The following BCAS3 variants were observed in gnomAD, a reference collection of about 807,000 sequenced individuals.
BCAS3 encodes BCAS4/BCAS3 fusion.
A neutral mutation model predicts 116.1 loss-of-function variants in BCAS3; 53 were observed. That is an observed-to-expected ratio of 0.46 (90% CI 0.37 to 0.57). The LOEUF (loss-of-function observed/expected upper bound fraction) is 0.57, where lower values mean the gene tolerates loss of function less well. Among genes scored for constraint, BCAS3 ranks in the 20% least tolerant of loss-of-function variants. BCAS3 has a pLI of 0.00. For synonymous variants in BCAS3, 391 were observed against 408.2 expected, an observed-to-expected ratio of 0.96 and a Z score of 0.51; for missense variants, 917 against 1,165.4, an observed-to-expected ratio of 0.79 and a Z score of 3.10.
chr17:61,303,780 T>C (rs1314660372), intron 22 of BCAS3, among the ~76,000 whole-genome samples: 1 of 152,196 alleles, frequency 6.6e-6, no homozygotes, highest in African/African-American at 2.4e-5. Flanking sequence ...TCTGCTTACA[T>C]TTCTGACCTC....
chr17:61,181,877 T>TA lies in BCAS3; in HGVS notation c.2425+97313_2425+97314insA, dbSNP rs1300010406. ...CCAAAAGTCTTGCTTTTTCCTTCTT[T>TA]TTTTTTTTAATCTTGAGACACGGTC... On this transcript the variant is annotated intron_variant, in intron 22 of 23. Coordinates refer to ENST00000407086, the MANE Select transcript of BCAS3 (RefSeq NM_017679.5). The surrounding 1 kb of genome is among the most constrained non-coding windows in gnomAD (Gnocchi z 5.0). 6.6e-6 allele frequency among the ~76,000 whole-genome samples: 1 copy of TA among 151,318 alleles called. No individual in the cohort carries two copies. Among genetic ancestry groups the TA allele is most frequent in the East Asian group, 1.9e-4 (1 of 5,132 alleles).
At chr17:60,797,965 T>G (rs562897472) in intron 6 of BCAS3, among the ~76,000 whole-genome samples, 69 of 152,276 alleles carry the variant, frequency 4.5e-4, no homozygotes, top group Non-Finnish European at 9.4e-4. Context: ...TCATTTGAGC[T>G]GGAAGGTGGA....
chr17:60,719,993 A>AT (rs1250602953), intron 5 of BCAS3, among the ~76,000 whole-genome samples: 1 of 152,236 alleles, frequency 6.6e-6, no homozygotes, highest in Admixed American at 6.5e-5. Context: ...GACTTACACT[A>AT]TGTTAAAAAT....
At chr17:60,755,325 T>C (rs2042897442) in intron 6 of BCAS3, among the ~76,000 whole-genome samples, 1 of 152,218 alleles carries the variant, frequency 6.6e-6, no homozygotes, top group South Asian at 2.1e-4. Context: ...ACATTTTAGG[T>C]TGTTTGTATA....
intron 22 of BCAS3, among the ~76,000 whole-genome samples, chr17:61,268,102 G>C (rs1568709780): frequency 6.6e-6 from 1 of 152,178 alleles, no homozygotes; most frequent in Non-Finnish European, 1.5e-5. Flanking sequence ...AGTCACATTT[G>C]ATCTTGGGGA....
intron 7 of BCAS3, among the ~76,000 whole-genome samples, chr17:60,812,059 A>G (rs532772456): frequency 3.3e-5 from 5 of 152,138 alleles, no homozygotes; most frequent in African/African-American, 1.2e-4. Context: ...TCTCAAAAAA[A>G]AAAAAAAAGT....
Position 61,313,656 on chromosome 17 carries a change from G to C in BCAS3, c.2426-54671G>C, listed in dbSNP as rs2054508914. Among the ~76,000 whole-genome samples, 1 of 152,232 alleles carries C rather than the reference G, an allele frequency of 6.6e-6. No homozygotes were observed. Among genetic ancestry groups the C allele is most frequent in the African/African-American group, 2.4e-5 (1 of 41,458 alleles). ...TCCCTCGGGTCCTGCTCGCTGAAGAGGTACAGCATCTGGAGGAGGACTTTC... is the reference window on the plus strand; with the variant it reads ...TCCCTCGGGTCCTGCTCGCTGAAGACGTACAGCATCTGGAGGAGGACTTTC... On this transcript the variant is annotated intron_variant, in intron 22 of 23. Transcript: ENST00000407086. The surrounding 1 kb of genome is among the most constrained non-coding windows in gnomAD (Gnocchi z 4.3).
chr17:61,168,629 C>T (rs901460904), intron 22 of BCAS3, among the ~76,000 whole-genome samples: 1 of 152,108 alleles, frequency 6.6e-6, no homozygotes, highest in Non-Finnish European at 1.5e-5. Context: ...CTTGAGAGAT[C>T]AAGACAGCAA....
intron 3 of BCAS3, among the ~76,000 whole-genome samples, chr17:60,685,878 T>TC (rs2033958597): frequency 6.7e-6 from 1 of 149,260 alleles, no homozygotes; most frequent in Non-Finnish European, 1.5e-5. Context: ...TATTAGACAT[T>TC]TTTTTTTTTT....
intron 5 of BCAS3, among the ~76,000 whole-genome samples, chr17:60,728,555 C>T (rs1295179096): frequency 3.3e-5 from 5 of 152,066 alleles, no homozygotes; most frequent in Non-Finnish European, 7.4e-5. Context: ...TCTTGGCTCA[C>T]TGCAACCTCC....
Position 61,107,889 on chromosome 17 carries a change from T to C in BCAS3, c.2425+23325T>C, listed in dbSNP as rs1279275273. On this transcript the variant is annotated intron_variant, in intron 22 of 23. Coordinates refer to ENST00000407086, the MANE Select transcript of BCAS3 (RefSeq NM_017679.5). ...TGAGCTAAAGGCCCACAAGCACAGT[T>C]GCTGGGTCACATTGTAAGGATATGT... Among the ~76,000 whole-genome samples, 4 of 152,360 alleles carry C rather than the reference T, an allele frequency of 2.6e-5. No individual in the cohort carries two copies. In the East Asian group the frequency reaches 5.8e-4, roughly 22 times the overall value.
At position 61,339,921 on chromosome 17, in the gene BCAS3, C is replaced by A. The variant is rs1302387411; in HGVS notation, c.2426-28406C>A. 6.6e-6 allele frequency among the ~76,000 whole-genome samples: 1 copy of A among 152,172 alleles called. No individual in the cohort carries two copies. Among genetic ancestry groups the A allele is most frequent in the Admixed American group, 6.5e-5 (1 of 15,274 alleles). ...CTATGTCGAAAGCACACTTGACCTG[C>A]TGAAAGATGAGGCCAGATGATAACT... On this transcript the variant is annotated intron_variant, in intron 22 of 23. Transcript: ENST00000407086. The surrounding 1 kb of genome is among the most constrained non-coding windows in gnomAD (Gnocchi z 4.4).
chr17:60,986,459 T>C (rs146424920), intron 14 of BCAS3, among the ~76,000 whole-genome samples: 47 of 152,308 alleles, frequency 3.1e-4, no homozygotes, highest in African/African-American at 1.1e-3. Flanking sequence ...TTCCCACCAA[T>C]AGTGTATGAG....
chr17:60,780,756 T>G (rs2045755093), intron 6 of BCAS3, among the ~76,000 whole-genome samples: 1 of 152,346 alleles, frequency 6.6e-6, no homozygotes, highest in Non-Finnish European at 1.5e-5. Flanking sequence ...CTATTATAAA[T>G]TATATCACAG....
At chr17:61,187,308 T>A (rs2079838460) in intron 22 of BCAS3, among the ~76,000 whole-genome samples, 1 of 152,222 alleles carries the variant, frequency 6.6e-6, no homozygotes, top group South Asian at 2.1e-4. Flanking sequence ...TGACATGTGT[T>A]CTCAGCTAGA....
chr17:60,975,600 T>C (rs945570610), intron 14 of BCAS3, among the ~76,000 whole-genome samples: 3 of 152,204 alleles, frequency 2.0e-5, no homozygotes, highest in African/African-American at 7.2e-5. Flanking sequence ...TCAGTAGTTT[T>C]TTAGTATATT....
intron 22 of BCAS3, among the ~76,000 whole-genome samples, chr17:61,360,043 G>A (rs2058371879): frequency 7.0e-6 from 1 of 143,690 alleles, no homozygotes; most frequent in Non-Finnish European, 1.5e-5. Context: ...GTCTCACTCT[G>A]TCGCCCAGAC....
rs551531441 is a variant in BCAS3 at position 61,145,138 on chromosome 17, C to T, written c.2425+60574C>T. ...ACCGGCAGTAATTTAATTTTTCCTT[C>T]ATTCTGACTCGGAAATGGCAGCATT... On this transcript the variant is annotated intron_variant, in intron 22 of 23. Coordinates refer to ENST00000407086, the MANE Select transcript of BCAS3 (RefSeq NM_017679.5). The surrounding 1 kb of genome is among the most constrained non-coding windows in gnomAD (Gnocchi z 5.0). Among the ~76,000 whole-genome samples the T allele has an allele frequency of 6.6e-6, 1 of 152,336 alleles. No homozygotes were observed. The highest frequency in any genetic ancestry group is 2.1e-4 in the South Asian group (1 of 4,830).
chr17:61,342,954 G>A (rs1691319747), intron 22 of BCAS3, among the ~76,000 whole-genome samples: 1 of 151,784 alleles, frequency 6.6e-6, no homozygotes. Flanking sequence ...GTTTCACCAG[G>A]TTGGCCAGGC....
Sources: allele counts gnomAD v4.1 joint callset (sites outside exome capture counted in the v4.1 genomes callset), GRCh38; gene constraint gnomAD v4.1.1; non-coding constraint Gnocchi (gnomAD v3.1); transcripts MANE v1.5; gene names NCBI Gene and HGNC (gene_info 2026-07-23, HGNC 2026-07-21).